The following HIVEP3 variants were observed in gnomAD, a reference collection of about 807,000 sequenced individuals.
HIVEP3 encodes the protein HIVEP zinc finger 3.
In HIVEP3, 49 loss-of-function variants were observed where a neutral mutation model predicts 152.8. The ratio of observed to expected loss-of-function variants is 0.32; its 90% CI spans 0.26 to 0.41. The LOEUF (loss-of-function observed/expected upper bound fraction) is 0.41. HIVEP3 is among the 10% of genes least tolerant of loss of function. The probability of loss-of-function intolerance (pLI) is 1.00; values close to 1 mark genes in which losing one functional copy is unlikely to be tolerated. For missense variants in HIVEP3, 2,790 were observed against 3,103.3 expected (o/e 0.90, Z 2.40); for synonymous variants, 1,269 against 1,289.0 (o/e 0.98, Z 0.33).
chr1:41,672,818 C>G (rs1297791050), intron 2 of HIVEP3, among the ~76,000 whole-genome samples: 1 of 152,182 alleles, frequency 6.6e-6, no homozygotes, highest in African/African-American at 2.4e-5. Context: ...AGCCAGGGAC[C>G]ATGCCTGGAT....
intron 1 of HIVEP3, among the ~76,000 whole-genome samples, chr1:41,912,679 C>A (rs926505025): frequency 3.3e-5 from 5 of 152,136 alleles, no homozygotes; most frequent in Non-Finnish European, 5.9e-5. Flanking sequence ...GGGCATGGAG[C>A]AAATGACTAC....
rs542766754 is a variant in HIVEP3, at chr1:41,852,952, T to A, written c.-801+65461A>T. 1.9e-4 allele frequency among the ~76,000 whole-genome samples: 29 copies of A among 152,290 alleles called. 1 individual carries two copies. The South Asian group carries it at 5.6e-3, about 29-fold the overall frequency. The stretch of plus-strand genomic sequence containing the variant: ...TGGGAAGACAAACACAGCAGCCAGT[T>A]CCTGCCACCAAGCAGCACACAGTCT... On this transcript the variant is annotated intron_variant, in intron 1 of 8. Transcript: ENST00000372583.
At chr1:42,013,968 G>A (rs1013669261) in intron 1 of HIVEP3, among the ~76,000 whole-genome samples, 1 of 152,160 alleles carries the variant, frequency 6.6e-6, no homozygotes, top group South Asian at 2.1e-4. Context: ...TCCCCCCAAA[G>A]TTTCAAGCAG....
chr1:41,600,118 G>T (rs998876134), intron 3 of HIVEP3, among the ~76,000 whole-genome samples: 1 of 152,186 alleles, frequency 6.6e-6, no homozygotes, highest in African/African-American at 2.4e-5. Context: ...TCTGCTGGTA[G>T]GAATGTAAAA....
At chr1:41,553,457 T>C (rs1347525662) in intron 5 of HIVEP3, among the ~76,000 whole-genome samples, 2 of 152,252 alleles carry the variant, frequency 1.3e-5, no homozygotes, top group Admixed American at 6.5e-5. Context: ...TTATCCAAAT[T>C]GACAGTCTGT....
intron 5 of HIVEP3, among the ~76,000 whole-genome samples, chr1:41,526,913 C>T (rs1558028505): frequency 7.3e-6 from 1 of 136,286 alleles, no homozygotes; most frequent in African/African-American, 2.8e-5. Flanking sequence ...GCTCATATCT[C>T]CACACACACC....
At chr1:41,615,011 G>A (rs1343639780) in intron 3 of HIVEP3, among the ~76,000 whole-genome samples, 1 of 152,210 alleles carries the variant, frequency 6.6e-6, no homozygotes, top group Non-Finnish European at 1.5e-5. Flanking sequence ...AGAAGGCCAG[G>A]TGGGCCCCAC....
At chr1:41,919,810 G>A (rs958620334), upstream of HIVEP3, among the ~76,000 whole-genome samples, 8 of 152,248 alleles carry the variant, frequency 5.3e-5, no homozygotes, top group African/African-American at 7.2e-5. Context: ...AAGAGGTAGC[G>A]CTGAGAAGAA....
At chr1:41,885,296 G>A (rs1251229491) in intron 1 of HIVEP3, among the ~76,000 whole-genome samples, 1 of 152,104 alleles carries the variant, frequency 6.6e-6, no homozygotes. Flanking sequence ...TTTGGGTTAG[G>A]GATCCCCTAG....
At chr1:42,019,948 T>G (rs530721355) in intron 1 of HIVEP3, among the ~76,000 whole-genome samples, 1 of 152,242 alleles carries the variant, frequency 6.6e-6, no homozygotes, top group South Asian at 2.1e-4. Context: ...TTTCTACATC[T>G]ATGTAGATTG....
intron 2 of HIVEP3, among the ~76,000 whole-genome samples, chr1:41,698,527 T>A (rs1168611074): frequency 6.6e-6 from 1 of 152,178 alleles, no homozygotes; most frequent in Non-Finnish European, 1.5e-5. Context: ...GGGTGTGATC[T>A]TTCCGATGAG....
chr1:41,648,843 AG>A (rs1218925074), intron 2 of HIVEP3, among the ~76,000 whole-genome samples: 1 of 152,232 alleles, frequency 6.6e-6, no homozygotes, highest in African/African-American at 2.4e-5. Context: ...CTTGATGGAG[AG>A]GACATCGTAT....
In HIVEP3 at chr1:41,580,338, C is replaced by T. The variant is rs1333465425; in HGVS notation, c.4460G>A (p.Gly1487Asp). The T allele has an allele frequency of 1.2e-6, 2 of 1,614,160 alleles. No homozygotes were observed. Among genetic ancestry groups the T allele is most frequent in the Admixed American group, 1.7e-5 (1 of 60,020 alleles). ...DGKRPEKSHL[G>D]NQGQGRRELE... ...CTCCCTCCTGCCTTGGCCCTGGTTG[C>T]CTAAGTGGGATTTCTCTGGCCTCTT... is the stretch of plus-strand genomic sequence containing the variant. The change falls in exon 4 of 9, where the codon GGC (glycine) becomes GAC (aspartate). Residue 1487 changes from glycine (G) to aspartate (D), a missense_variant. Physicochemically the swap from Gly to Asp is moderately conservative, Grantham distance 94. Coordinates refer to ENST00000372583, the MANE Select transcript of HIVEP3 (RefSeq NM_024503.5).
intron 1 of HIVEP3, among the ~76,000 whole-genome samples, chr1:42,015,031 C>G (rs1210166647): frequency 6.6e-6 from 1 of 152,108 alleles, no homozygotes; most frequent in African/African-American, 2.4e-5. Context: ...TGCTGGTGGT[C>G]AGCAGCCCTG....
chr1:41,780,531 C>T (rs913824813), intron 1 of HIVEP3, among the ~76,000 whole-genome samples: 9 of 152,186 alleles, frequency 5.9e-5, no homozygotes, highest in African/African-American at 2.2e-4. Flanking sequence ...TGGCCATGGT[C>T]AGGGCCCACC....
intron 1 of HIVEP3, among the ~76,000 whole-genome samples, chr1:41,831,019 T>C (rs1642948881): frequency 1.3e-5 from 2 of 152,234 alleles, no homozygotes; most frequent in Admixed American, 6.5e-5. Context: ...TTTTGTCTCC[T>C]CCTATGCAGT....
chr1:41,591,520 G>C (rs1300534772), intron 3 of HIVEP3, among the ~76,000 whole-genome samples: 3 of 151,994 alleles, frequency 2.0e-5, no homozygotes, highest in Non-Finnish European at 4.4e-5. Context: ...TACCAACCCA[G>C]GGCACAAGCT....
At chr1:41,844,300 C>CTGCA (rs1232901813) in intron 1 of HIVEP3, among the ~76,000 whole-genome samples, 1 of 152,226 alleles carries the variant, frequency 6.6e-6, no homozygotes, top group African/African-American at 2.4e-5. Context: ...AACAGTGCTG[C>CTGCA]TGCATCTCCT....
intron 1 of HIVEP3, among the ~76,000 whole-genome samples, chr1:41,996,292 A>G (rs947840419): frequency 6.6e-6 from 1 of 151,806 alleles, no homozygotes; most frequent in Admixed American, 6.6e-5. Flanking sequence ...AAAGGCTATA[A>G]GGTTAGAGGA....
Sources: allele counts gnomAD v4.1 joint callset (sites outside exome capture counted in the v4.1 genomes callset), GRCh38; gene constraint gnomAD v4.1.1; transcripts MANE v1.5; gene names NCBI Gene and HGNC (gene_info 2026-07-23, HGNC 2026-07-21).